SLC17A3: variants seen among roughly 807,000 people sequenced by gnomAD.
The protein encoded by SLC17A3 is solute carrier family 17 member 3.
In SLC17A3, 61 loss-of-function variants were observed where a neutral mutation model predicts 60.3. That is an observed-to-expected ratio of 1.01 (90% CI 0.82 to 1.25). The LOEUF (loss-of-function observed/expected upper bound fraction) is 1.25, where lower values mean the gene tolerates loss of function less well. SLC17A3 is among the 50% of genes most tolerant of loss of function. The pLI is 0.00. For missense variants in SLC17A3, 624 were observed against 594.9 expected, an observed-to-expected ratio of 1.05 and a Z score of -0.51; for synonymous variants, 192 against 208.9, an observed-to-expected ratio of 0.92 and a Z score of 0.70.
In SLC17A3 at chr6:25,868,410, ATGGTTT is replaced by A; in HGVS notation, c.-29_-24del. The A allele has an allele frequency of 6.3e-7, 1 of 1,588,278 alleles. No homozygotes were observed. The highest frequency in any genetic ancestry group is 8.6e-7 in the Non-Finnish European group (1 of 1,157,342). ...CATTGTGTTTCTCCTCTCCTAGTGA[ATGGTTT>A]TCACCTATCAGGGAGATATGTAATT... On this transcript the variant is annotated 5_prime_UTR_variant, in exon 2 of 13. Coordinates refer to ENST00000397060, the MANE Select transcript of SLC17A3 (RefSeq NM_001098486.2).
chr6:25,849,378 C>T lies in SLC17A3; in HGVS notation c.1358G>A (p.Ser453Asn), dbSNP rs758640029. The T allele has an allele frequency of 6.3e-7, 1 of 1,595,498 alleles. No homozygotes were observed. The highest frequency in any genetic ancestry group is 1.1e-5 in the South Asian group (1 of 90,610). The part of the protein sequence containing the change: ...IVPTVSGFLL[S>N]QDPEFGWRNV... ...TTCATGACAAAAAAATTGTACCTGA[C>T]TAAGAAGAAATCCACTGACAGTGGG... The change falls in exon 11 of 13, where the codon AGT (serine) becomes AAT (asparagine). Residue 453 changes from serine to asparagine, a missense_variant. Transcript: ENST00000397060.
chr6:25,869,771 C>T (rs1013690432), intron 1 of SLC17A3, among the ~76,000 whole-genome samples: 1 of 151,900 alleles, frequency 6.6e-6, no homozygotes, highest in Admixed American at 6.6e-5. Flanking sequence ...CTCCACCTGG[C>T]CCCACCTTTG....
intron 1 of SLC17A3, among the ~76,000 whole-genome samples, chr6:25,871,774 T>A (rs1765646091): frequency 6.6e-6 from 1 of 152,066 alleles, no homozygotes; most frequent in South Asian, 2.1e-4. Flanking sequence ...TCCAAGAAAT[T>A]CAATAACTTC....
At chr6:25,848,195 G>A (rs566263718) in intron 11 of SLC17A3, among the ~76,000 whole-genome samples, 1 of 152,166 alleles carries the variant, frequency 6.6e-6, no homozygotes. Context: ...TGTGAATTGT[G>A]CTGCCATAAA....
Position 25,845,443 on chromosome 6 carries a change from A to G in SLC17A3, c.1436T>C (p.Leu479Pro). 6.2e-7 allele frequency: 1 copy of G among 1,613,874 alleles called. No homozygotes were observed. Among genetic ancestry groups the G allele is most frequent in the South Asian group, 1.1e-5 (1 of 91,084 alleles). ...AVNLLGLLFY[L>P]IFGEADVQEW... ...TTGGACATCTGCTTCTCCAAATATG[A>G]GGTAGAAGAGTAGTCCTAACAGGTT... is the stretch of plus-strand genomic sequence containing the variant. The change falls in exon 12 of 13, where the codon CTC becomes CCC. Residue 479 changes from leucine (L) to proline (P), a missense_variant. Physicochemically the swap from Leu to Pro is moderately conservative, Grantham distance 98 (BLOSUM62 -3). Transcript: ENST00000397060.
At chr6:25,868,522 C>A in intron 1 of SLC17A3, 102 bp from the exon 2 acceptor site, 1 of 756,080 alleles carries the variant, frequency 1.3e-6, no homozygotes, top group Non-Finnish European at 2.3e-6. Flanking sequence ...CTGGCCCATT[C>A]CATCTGGTTG....
In SLC17A3 at chr6:25,849,680, C is replaced by A; in HGVS notation, c.1271+125G>T. On this transcript the variant is annotated intron_variant, in intron 10 of 12. Transcript: ENST00000397060. ...TCCTCAACATACCTGAAAAAAACGG[C>A]CACAGGTCTATCTGTGGTTCTTCCC... The A allele has an allele frequency of 7.9e-6, 9 of 1,145,670 alleles. No individual in the cohort carries two copies. In the Admixed American group the frequency reaches 1.4e-4, roughly 18 times the overall value. 71.0% of individuals were successfully genotyped at this position (1,145,670 alleles called of 1,614,324 possible). A position where few individuals can be genotyped will look rare whatever the true frequency, so the allele number is the denominator to read the frequency against.
intron 11 of SLC17A3, among the ~76,000 whole-genome samples, chr6:25,846,219 C>A (rs1193786796): frequency 6.6e-6 from 1 of 152,024 alleles, no homozygotes; most frequent in African/African-American, 2.4e-5. Flanking sequence ...AATTACTTGC[C>A]TTTAATAAAA....
chr6:25,866,795 G>A (rs2151527012), intron 2 of SLC17A3, among the ~76,000 whole-genome samples: 1 of 152,042 alleles, frequency 6.6e-6, no homozygotes, highest in Admixed American at 6.6e-5. Flanking sequence ...ATGGTGTTGT[G>A]GCAATTAATG....
chr6:25,866,554 A>T (rs568456766), intron 2 of SLC17A3, among the ~76,000 whole-genome samples: 1 of 152,082 alleles, frequency 6.6e-6, no homozygotes, highest in South Asian at 2.1e-4. Flanking sequence ...TCAGACTACT[A>T]TGTTTATGGT....
At chr6:25,869,714 C>A (rs1765606416) in intron 1 of SLC17A3, among the ~76,000 whole-genome samples, 1 of 151,964 alleles carries the variant, frequency 6.6e-6, no homozygotes, top group Non-Finnish European at 1.5e-5. Flanking sequence ...GACTTCTTCA[C>A]TACCATGAGA....
At chr6:25,856,341 A>G (rs571684453) in intron 5 of SLC17A3, among the ~76,000 whole-genome samples, 2 of 152,272 alleles carry the variant, frequency 1.3e-5, no homozygotes, top group South Asian at 2.1e-4. Context: ...GGCTCAAGCA[A>G]TCCTTCCACA....
At chr6:25,852,316 A>T (rs1038707046) in intron 6 of SLC17A3, among the ~76,000 whole-genome samples, 3 of 151,950 alleles carry the variant, frequency 2.0e-5, no homozygotes, top group African/African-American at 4.8e-5. Flanking sequence ...ATGTAACTTG[A>T]TGTAGTTTTC....
rs369246371 is a variant in SLC17A3 at position 25,845,379 on chromosome 6, C to A, written c.*2+1G>T. 2 of 1,613,726 alleles carry A rather than the reference C, an allele frequency of 1.2e-6. No homozygotes were observed. The highest frequency in any genetic ancestry group is 2.7e-5 in the African/African-American group (2 of 74,888). On this transcript the variant is annotated splice_donor_variant, in intron 12 of 12. Transcript: ENST00000397060. LOFTEE classifies it low-confidence loss of function (3UTR_SPLICE). ...CCATGCATAAAATCACTATCCTTTA[C>A]CTTCATAAACGAGTGAGTTTTCTCT... is the stretch of plus-strand genomic sequence containing the variant.
chr6:25,847,816 T>A lies in SLC17A3; in HGVS notation c.1362+1558A>T, dbSNP rs537515899. On this transcript the variant is annotated intron_variant, in intron 11 of 12. Transcript: ENST00000397060. ...ATTACATGAGTAAGTTCTTTAGTGGTGATATGTGGGATTTTGGTGCACCCA... is the reference window on the plus strand; with the variant it reads ...ATTACATGAGTAAGTTCTTTAGTGGAGATATGTGGGATTTTGGTGCACCCA... 3.3e-4 allele frequency among the ~76,000 whole-genome samples: 50 copies of A among 152,266 alleles called. No individual in the cohort carries two copies. The South Asian group carries it at 0.01, about 31-fold the overall frequency.
intron 6 of SLC17A3, among the ~76,000 whole-genome samples, chr6:25,854,575 G>GA (rs1382333153): frequency 1.3e-5 from 2 of 152,178 alleles, no homozygotes; most frequent in Admixed American, 6.5e-5. Context: ...GCAAACTAAT[G>GA]AAAGGTTTGA....
intron 6 of SLC17A3, 143 bp from the exon 7 acceptor site, chr6:25,851,020 C>A (rs1765267896): frequency 1.4e-6 from 1 of 722,368 alleles, no homozygotes; most frequent in African/African-American, 1.7e-5. Flanking sequence ...AACAATTCAC[C>A]CATTTTACAT....
chr6:25,848,726 C>A (rs1206224591), intron 11 of SLC17A3, among the ~76,000 whole-genome samples: 2 of 151,972 alleles, frequency 1.3e-5, no homozygotes, highest in Non-Finnish European at 2.9e-5. Flanking sequence ...AAAGCAAATG[C>A]AATAAAAACA....
chr6:25,869,723 G>C (rs1216132253), intron 1 of SLC17A3, among the ~76,000 whole-genome samples: 2 of 151,904 alleles, frequency 1.3e-5, no homozygotes, highest in African/African-American at 2.4e-5. Context: ...ACTACCATGA[G>C]AACAGTATGG....
Sources: gnomAD v4.1 joint callset for allele counts (sites outside exome capture counted in the v4.1 genomes callset) on GRCh38, gnomAD v4.1.1 for gene constraint, MANE v1.5 for transcripts, NCBI Gene and HGNC (gene_info 2026-07-23, HGNC 2026-07-21) for gene names.